The following PRKD2 variants were observed in gnomAD, a reference collection of about 807,000 sequenced individuals.
PRKD2 encodes the protein protein kinase D2.
In PRKD2, 22 loss-of-function variants were observed where a neutral mutation model predicts 86.0. The observed-to-expected ratio is 0.26, with a 90% CI of 0.18 to 0.37. The LOEUF (loss-of-function observed/expected upper bound fraction) is 0.37, where lower values mean the gene tolerates loss of function less well. Among genes scored for constraint, PRKD2 ranks in the 10% least tolerant of loss-of-function variants. The probability of loss-of-function intolerance (pLI) is 1.00; values close to 1 mark genes in which losing one functional copy is unlikely to be tolerated. For synonymous variants in PRKD2, 509 were observed against 510.9 expected (o/e 1.00, Z 0.05); for missense variants, 818 against 1,199.2 (o/e 0.68, Z 4.70).
rs185874541 is a variant in PRKD2, at chr19:46,678,984, C to T, written c.2071-321G>A. Among the ~76,000 whole-genome samples the T allele has an allele frequency of 1.7e-3, 257 of 152,290 alleles. 1 individual carries two copies. The highest frequency in any genetic ancestry group is 2.8e-3 in the Admixed American group (43 of 15,288). On this transcript the variant is annotated intron_variant, in intron 15 of 17. Transcript: ENST00000291281. This position sits in a 1 kb window ranked among gnomAD's most constrained non-coding sequence, Gnocchi z 5.7. ...CAATAAATGCTAGCTGCTGCTATAC[C>T]TCTGCCACCTCCAATGGGTCGCTGT...
At chr19:46,704,457 C>T (rs772324528) in intron 4 of PRKD2, 38 bp downstream of exon 4, 1 of 1,613,976 alleles carries the variant, frequency 6.2e-7, no homozygotes. Context: ...CAAGTCACCC[C>T]CCTAGCCACC....
intron 5 of PRKD2, among the ~76,000 whole-genome samples, chr19:46,702,031 G>GTTTTTTTTTTTTTT (rs869150137): frequency 8.2e-6 from 1 of 122,158 alleles, no homozygotes; most frequent in Non-Finnish European, 1.8e-5. Flanking sequence ...CTATGATTCT[G>GTTTTTTTTTTTTTT]TTTTTTGTTT....
At chr19:46,686,201 C>T (rs2053393968) in intron 14 of PRKD2, 1 of 152,030 alleles carries the variant, frequency 6.6e-6, no homozygotes, top group African/African-American at 2.4e-5. Context: ...TATTTAACAT[C>T]GTAAAAGTTC....
chr19:46,703,278 CA>C (rs1331759081), intron 5 of PRKD2, among the ~76,000 whole-genome samples: 5 of 152,180 alleles, frequency 3.3e-5, no homozygotes, highest in Non-Finnish European at 4.4e-5. Flanking sequence ...TCAGGTTCTA[CA>C]GTTTTAGAAT....
In PRKD2 at chr19:46,693,921, G is replaced by C; in HGVS notation, c.1530C>G (p.Pro510=). ...WETAIRQALM[P]VILQDAPSAP... Reference sequence around the variant, plus strand: ...CGCTGGGTGCGTCCTGAAGGATGACGGGCATCAGGGCCTGGCGGATGGCTG... The same window carrying C: ...CGCTGGGTGCGTCCTGAAGGATGACCGGCATCAGGGCCTGGCGGATGGCTG... The change falls in exon 10 of 18, where the codon CCC becomes CCG. Residue 510 remains proline, a synonymous_variant. Transcript: ENST00000291281. This position sits in a 1 kb window ranked among gnomAD's most constrained non-coding sequence, Gnocchi z 4.5. 2 of 1,609,872 alleles carry C rather than the reference G, an allele frequency of 1.2e-6. No homozygotes were observed. The highest frequency in any genetic ancestry group is 1.7e-6 in the Non-Finnish European group (2 of 1,179,330).
At chr19:46,681,099 G>A (rs8105742) in intron 15 of PRKD2, among the ~76,000 whole-genome samples, 81,323 of 148,634 alleles carry the variant, frequency 0.55, 22,430 homozygotes, top group South Asian at 0.61. Context: ...GACTACAGGC[G>A]CACACCACCA....
At position 46,678,688 on chromosome 19, in the gene PRKD2, T is replaced by G. The variant is rs1337735835; in HGVS notation, c.2071-25A>C. 6.3e-7 allele frequency: 1 copy of G among 1,592,722 alleles called. No individual in the cohort carries two copies. Among genetic ancestry groups the G allele is most frequent in the South Asian group, 1.1e-5 (1 of 90,506 alleles). On this transcript the variant is annotated intron_variant, in intron 15 of 17. Coordinates refer to ENST00000291281, the MANE Select transcript of PRKD2 (RefSeq NM_016457.5). This position sits in a 1 kb window ranked among gnomAD's most constrained non-coding sequence, Gnocchi z 5.7. ...CCTGCAGAGGGCAAGGGATGGAGGC[T>G]CCACCAGGTGATGGAGCCGCACCCA...
chr19:46,681,770 A>G (rs1293634292), intron 14 of PRKD2, 22 bp from the exon 15 acceptor site: 1 of 1,531,658 alleles, frequency 6.5e-7, no homozygotes, highest in South Asian at 1.1e-5. Flanking sequence ...AGATGGGCCC[A>G]GTAAGAAAGG....
At chr19:46,679,072 G>A (rs952587625) in intron 15 of PRKD2, among the ~76,000 whole-genome samples, 1 of 152,152 alleles carries the variant, frequency 6.6e-6, no homozygotes, top group African/African-American at 2.4e-5. Flanking sequence ...TTGGGGCGTG[G>A]TGGCTCATGC....
Position 46,681,046 on chromosome 19 carries a change from C to T in PRKD2, c.2070+604G>A, listed in dbSNP as rs569949824. Among the ~76,000 whole-genome samples, 107 of 148,032 alleles carry T rather than the reference C, an allele frequency of 7.2e-4. 1 individual carries two copies. Among genetic ancestry groups the T allele is most frequent in the African/African-American group, 2.4e-3 (95 of 40,396 alleles). On this transcript the variant is annotated intron_variant, in intron 15 of 17. Coordinates refer to ENST00000291281, the MANE Select transcript of PRKD2 (RefSeq NM_016457.5). ...TCGGCTAACTGCAAGCTCCGCCTCCCGGGTTCATGCCATTCTCCTAACTCA... is the reference window on the plus strand; with the variant it reads ...TCGGCTAACTGCAAGCTCCGCCTCCTGGGTTCATGCCATTCTCCTAACTCA...
chr19:46,677,381 A>C (rs1175872749), intron 16 of PRKD2: 1 of 152,284 alleles, frequency 6.6e-6, no homozygotes, highest in African/African-American at 2.4e-5. Context: ...AACATGTTGA[A>C]TCAATGGTTA....
chr19:46,697,343 T>C, intron 8 of PRKD2, 109 bp from the exon 9 acceptor site: 1 of 795,688 alleles, frequency 1.3e-6, no homozygotes, highest in Admixed American at 2.4e-5. Context: ...GTGCACGCCG[T>C]AACTCTAGCA....
rs2053800855 is a variant in PRKD2 at position 46,711,047 on chromosome 19, G to A, written c.380-9C>T. 3 of 1,574,696 alleles carry A rather than the reference G, an allele frequency of 1.9e-6. No individual in the cohort carries two copies. Among genetic ancestry groups the A allele is most frequent in the Non-Finnish European group, 8.6e-7 (1 of 1,158,974 alleles). On this transcript the variant is annotated splice_polypyrimidine_tract_variant and intron_variant, in intron 2 of 17. Transcript: ENST00000291281. ...CTCGAAGGTGGCCGAGGCTGTAGGC[G>A]GAAAATAGGGGTGGATGCTTGAGGC...
chr19:46,679,820 TCAC>T (rs1164715284), intron 15 of PRKD2, among the ~76,000 whole-genome samples: 2 of 152,186 alleles, frequency 1.3e-5, no homozygotes, highest in East Asian at 3.9e-4. Flanking sequence ...AGACGACATT[TCAC>T]CACATCAGCC....
chr19:46,681,609 G>A (rs1177506174), intron 15 of PRKD2, 41 bp downstream of exon 15: 2 of 945,462 alleles, frequency 2.1e-6, no homozygotes, highest in Non-Finnish European at 1.6e-6. Context: ...GGCCATCAGT[G>A]TTGCCTGGAT....
chr19:46,682,701 ATTTT>A (rs71177241), intron 14 of PRKD2, among the ~76,000 whole-genome samples: 22 of 102,844 alleles, frequency 2.1e-4, no homozygotes, highest in African/African-American at 3.4e-4. Context: ...ATGTGATTCT[ATTTT>A]TTTTTTTTTT....
At chr19:46,675,324 CA>C in intron 16 of PRKD2, among the ~76,000 whole-genome samples, 1 of 152,350 alleles carries the variant, frequency 6.6e-6, no homozygotes, top group Middle Eastern at 3.4e-3. Flanking sequence ...TGCATGTTCA[CA>C]CCAGCTCCCT....
Position 46,714,490 on chromosome 19 carries a change from C to CGGGG in PRKD2, c.241-493_241-490dup, listed in dbSNP as rs1254751346. 6.2e-3 allele frequency: 268 copies of CGGGG among 43,500 alleles called. 3 individuals carry two copies. The highest frequency in any genetic ancestry group is 0.013 in the Middle Eastern group (1 of 76). 2.7% of individuals were successfully genotyped at this position (43,500 alleles called of 1,614,324 possible). ...CTCCTGGGAAAGTGGGGGGGGGGGC[C>CGGGG]GGGGGACTTGGACTCGAGGGCGCTG... On this transcript the variant is annotated intron_variant, in intron 1 of 17. Coordinates refer to ENST00000291281, the MANE Select transcript of PRKD2 (RefSeq NM_016457.5).
intron 8 of PRKD2, 31 bp from the exon 9 acceptor site, chr19:46,697,265 C>G: frequency 6.6e-7 from 1 of 1,512,508 alleles, no homozygotes; most frequent in Non-Finnish European, 9.1e-7. Flanking sequence ...TCACGTGAAC[C>G]GCCAGACTTT....
Sources: allele counts gnomAD v4.1 joint callset (sites outside exome capture counted in the v4.1 genomes callset), GRCh38; gene constraint gnomAD v4.1.1; non-coding constraint Gnocchi (gnomAD v3.1); transcripts MANE v1.5; gene names NCBI Gene and HGNC (gene_info 2026-07-23, HGNC 2026-07-21).